Variants in ZPLD1 observed in about 807,000 individuals in gnomAD.
The protein encoded by ZPLD1 is zona pellucida-like domain-containing protein 1.
In ZPLD1, 34 loss-of-function variants were observed where a neutral mutation model predicts 47.2. The observed-to-expected ratio is 0.72, with a 90% CI of 0.55 to 0.96. The LOEUF (loss-of-function observed/expected upper bound fraction) is 0.96. ZPLD1 is among the 40% of genes least tolerant of loss of function. The pLI is 0.00. For synonymous variants in ZPLD1, 176 were observed against 186.2 expected, an observed-to-expected ratio of 0.95 and a Z score of 0.45; for missense variants, 512 against 505.8, an observed-to-expected ratio of 1.01 and a Z score of -0.12.
intron 7 of ZPLD1, among the ~76,000 whole-genome samples, chr3:102,409,867 G>A (rs1706731189): frequency 6.6e-6 from 1 of 151,806 alleles, no homozygotes. Flanking sequence ...TGGTTCAAGT[G>A]TGGCTATTTG....
chr3:102,439,491 C>T (rs866090557), intron 3 of ZPLD1, among the ~76,000 whole-genome samples: 16 of 152,122 alleles, frequency 1.1e-4, no homozygotes, highest in Middle Eastern at 3.4e-3. Context: ...ATGAAGGTCA[C>T]GGTGGGAATG....
chr3:102,426,132 GCACA>G (rs79509819), intron 8 of ZPLD1, among the ~76,000 whole-genome samples: 1,858 of 143,038 alleles, frequency 0.013, 27 homozygotes, highest in African/African-American at 0.037. Context: ...ACACACACAT[GCACA>G]CACACACACA....
At chr3:102,389,941 G>A (rs1045473962) in intron 6 of ZPLD1, among the ~76,000 whole-genome samples, 3 of 152,138 alleles carry the variant, frequency 2.0e-5, no homozygotes, top group African/African-American at 7.2e-5. Flanking sequence ...GATGGTGGTA[G>A]GGTTGATAGC....
At chr3:102,434,712 G>A (rs1707060523), upstream of ZPLD1, among the ~76,000 whole-genome samples, 1 of 152,120 alleles carries the variant, frequency 6.6e-6, no homozygotes, top group Non-Finnish European at 1.5e-5. Flanking sequence ...TATTAGACAA[G>A]GCATTCTTGT....
intron 8 of ZPLD1, among the ~76,000 whole-genome samples, chr3:102,419,321 T>A (rs1217853583): frequency 6.6e-6 from 1 of 151,954 alleles, no homozygotes; most frequent in Non-Finnish European, 1.5e-5. Flanking sequence ...AGTTTCCCTA[T>A]GTAAGTTTTT....
chr3:102,474,861 T>C (rs1707735145), intron 10 of ZPLD1, among the ~76,000 whole-genome samples: 1 of 152,170 alleles, frequency 6.6e-6, no homozygotes, highest in African/African-American at 2.4e-5. Flanking sequence ...CTTCAGGTGT[T>C]TCTTTTAGCA....
At chr3:102,431,161 C>T (rs1449573134), upstream of ZPLD1, among the ~76,000 whole-genome samples, 1 of 152,156 alleles carries the variant, frequency 6.6e-6, no homozygotes, top group Non-Finnish European at 1.5e-5. Flanking sequence ...AAACCCTCAA[C>T]AGAAAGACAA....
intron 6 of ZPLD1, among the ~76,000 whole-genome samples, chr3:102,390,639 A>G (rs1490601137): frequency 6.6e-6 from 1 of 152,220 alleles, no homozygotes; most frequent in East Asian, 1.9e-4. Context: ...CATGAAGTGC[A>G]TGGTTTGCTG....
At chr3:102,392,878 T>A (rs1706513096) in intron 7 of ZPLD1, among the ~76,000 whole-genome samples, 1 of 152,184 alleles carries the variant, frequency 6.6e-6, no homozygotes, top group Non-Finnish European at 1.5e-5. Context: ...CCCATTAAGA[T>A]GTAATAGACT....
chr3:102,386,906 G>T (rs1430896024), intron 6 of ZPLD1, among the ~76,000 whole-genome samples: 1 of 152,116 alleles, frequency 6.6e-6, no homozygotes, highest in Non-Finnish European at 1.5e-5. Flanking sequence ...AATCCTTTTG[G>T]CTGTCCCAGT....
chr3:102,424,078 G>A (rs931876960), intron 8 of ZPLD1, among the ~76,000 whole-genome samples: 1 of 152,092 alleles, frequency 6.6e-6, no homozygotes, highest in South Asian at 2.1e-4. Flanking sequence ...ATTAATTACT[G>A]CTCTATGTAA....
At chr3:102,446,066 AT>A (rs1707251466) in intron 3 of ZPLD1, among the ~76,000 whole-genome samples, 1 of 152,214 alleles carries the variant, frequency 6.6e-6, no homozygotes, top group African/African-American at 2.4e-5. Context: ...CTGTATACAT[AT>A]TTTGTTTGTA....
chr3:102,431,007 G>A (rs997277814), upstream of ZPLD1, among the ~76,000 whole-genome samples: 1 of 152,166 alleles, frequency 6.6e-6, no homozygotes, highest in Non-Finnish European at 1.5e-5. Flanking sequence ...TCTTGAAAAG[G>A]AACCTGGTGA....
intron 10 of ZPLD1, among the ~76,000 whole-genome samples, chr3:102,475,149 G>A (rs1030549097): frequency 6.6e-6 from 1 of 151,990 alleles, no homozygotes; most frequent in Non-Finnish European, 1.5e-5. Flanking sequence ...AAGGTAGTAT[G>A]CTTTCATTTT....
At chr3:102,458,268 G>C (rs1026883196) in intron 6 of ZPLD1, among the ~76,000 whole-genome samples, 4 of 152,122 alleles carry the variant, frequency 2.6e-5, no homozygotes, top group Non-Finnish European at 5.9e-5. Context: ...CCTTGGTGAT[G>C]AATGTGTTAA....
intron 3 of ZPLD1, among the ~76,000 whole-genome samples, chr3:102,444,450 G>A (rs1192763143): frequency 6.6e-6 from 1 of 151,792 alleles, no homozygotes; most frequent in Non-Finnish European, 1.5e-5. Flanking sequence ...ACCCCTTTAG[G>A]ACTTCTAGCT....
intron 3 of ZPLD1, 147 bp downstream of exon 3, chr3:102,438,740 T>G (rs1412031931): frequency 1.8e-6 from 1 of 546,528 alleles, no homozygotes; most frequent in Non-Finnish European, 3.2e-6. Flanking sequence ...AAGACATTTT[T>G]CTGGAGCTGT....
intron 7 of ZPLD1, among the ~76,000 whole-genome samples, chr3:102,396,899 G>GC (rs1193633625): frequency 6.6e-6 from 1 of 152,052 alleles, no homozygotes; most frequent in Non-Finnish European, 1.5e-5. Flanking sequence ...TAGAGCCCTG[G>GC]CCCCACTACT....
chr3:102,447,462 T>G (rs909057629), intron 3 of ZPLD1, among the ~76,000 whole-genome samples: 5 of 152,326 alleles, frequency 3.3e-5, no homozygotes, highest in Non-Finnish European at 7.3e-5. Context: ...ATATCTTGAG[T>G]CATTGCACTA....
Sources: allele counts gnomAD v4.1 joint callset (sites outside exome capture counted in the v4.1 genomes callset), GRCh38; gene constraint gnomAD v4.1.1; transcripts MANE v1.5; gene names NCBI Gene and HGNC (gene_info 2026-07-23, HGNC 2026-07-21).